Variants in FANCA observed in about 807,000 individuals in gnomAD.
FANCA encodes Fanconi anemia group A protein.
FANCA carries 236 observed loss-of-function variants against 194.3 expected under a neutral mutation model. That is an observed-to-expected ratio of 1.21 (90% CI 1.09 to 1.35). The LOEUF (loss-of-function observed/expected upper bound fraction) is 1.35. Ranked by LOEUF, FANCA falls within the 40% of genes most tolerant of loss-of-function variation. The probability of loss-of-function intolerance (pLI) is 0.00; values close to 1 mark genes in which losing one functional copy is unlikely to be tolerated. For missense variants in FANCA, 2,628 were observed against 1,813.9 expected (o/e 1.45, Z -8.15); for synonymous variants, 1,014 against 715.8 (o/e 1.42, Z -6.65).
At position 89,792,607 on chromosome 16, in the gene FANCA, GT is replaced by G. The variant is rs35617323; in HGVS notation, c.1007-61del. The stretch of plus-strand genomic sequence containing the variant: ...AGAGATCAAAAAGTTGTGGGTTTTT[GT>G]TAAGGACCAGCCCCACAGGGTCGGT... On this transcript the variant is annotated intron_variant, in intron 11 of 42. Transcript: ENST00000389301. 0.45 allele frequency: 696,236 copies of G among 1,536,078 alleles called. 167,586 individuals are homozygous for G. The highest frequency in any genetic ancestry group is 0.98 in the East Asian group (42,658 of 43,538).
chr16:89,803,199 C>G, intron 8 of FANCA, 60 bp downstream of exon 8: 1 of 1,491,004 alleles, frequency 6.7e-7, no homozygotes, highest in Non-Finnish European at 9.4e-7. Context: ...AAATACATTT[C>G]AACACTTGGA....
At chr16:89,753,880 C>A (rs74710027) in intron 30 of FANCA, among the ~76,000 whole-genome samples, 1 of 152,126 alleles carries the variant, frequency 6.6e-6, no homozygotes, top group African/African-American at 2.4e-5. Context: ...TGTGGCGAAA[C>A]CCTATCTCTA....
intron 2 of FANCA, 125 bp from the exon 3 acceptor site, chr16:89,814,738 C>T (rs988480911): frequency 3.4e-5 from 24 of 698,000 alleles, no homozygotes; most frequent in East Asian, 1.4e-4. Context: ...GTCAAGAGTT[C>T]GAGACCAGCC....
At chr16:89,800,330 T>C (rs554602338) in intron 8 of FANCA, among the ~76,000 whole-genome samples, 31 of 152,218 alleles carry the variant, frequency 2.0e-4, no homozygotes, top group Non-Finnish European at 4.3e-4. Flanking sequence ...TCACATCTCC[T>C]GGGCTTAAAG....
chr16:89,763,950 A>T (rs756960401), intron 28 of FANCA, among the ~76,000 whole-genome samples: 4 of 150,946 alleles, frequency 2.6e-5, no homozygotes, highest in Non-Finnish European at 5.9e-5. Flanking sequence ...AACAACAACA[A>T]AAAACAAGTT....
In FANCA at chr16:89,767,163, A is replaced by G; in HGVS notation, c.2579T>C (p.Leu860Ser). Reference sequence around the variant, plus strand: ...TACCTTTTTAATAAGGCCTGGAGATAAGCAGCTGCACAAAGTATCTCGTGA... The same window carrying G: ...TACCTTTTTAATAAGGCCTGGAGATGAGCAGCTGCACAAAGTATCTCGTGA... ...SQSRDTLCSC[L>S]SPGLIKKFQF... is the part of the protein sequence containing the mutation. The change falls in exon 27 of 43, where the codon TTA becomes TCA. Residue 860 changes from leucine to serine, a missense_variant. Transcript: ENST00000389301. 1 of 1,612,934 alleles carries G rather than the reference A, an allele frequency of 6.2e-7. No homozygotes were observed. The highest frequency in any genetic ancestry group is 1.1e-5 in the South Asian group (1 of 91,056).
intron 26 of FANCA, among the ~76,000 whole-genome samples, chr16:89,768,361 C>G (rs776670497): frequency 6.6e-6 from 1 of 152,226 alleles, no homozygotes; most frequent in African/African-American, 2.4e-5. Flanking sequence ...AGTTCTAATA[C>G]TTCTGTTTTA....
At chr16:89,776,159 C>CTTTTTT (rs3069458) in intron 20 of FANCA, among the ~76,000 whole-genome samples, 6 of 93,310 alleles carry the variant, frequency 6.4e-5, no homozygotes, top group South Asian at 4.0e-4. Flanking sequence ...CTTTGTTTTT[C>CTTTTTT]TTTTTTTTTT....
At chr16:89,751,308 T>TG (rs751813713) in intron 31 of FANCA, among the ~76,000 whole-genome samples, 8 of 152,052 alleles carry the variant, frequency 5.3e-5, no homozygotes, top group Non-Finnish European at 1.0e-4. Flanking sequence ...GAGACAAGCC[T>TG]GGGCAACATG....
intron 30 of FANCA, among the ~76,000 whole-genome samples, chr16:89,755,914 C>T (rs574418112): frequency 1.3e-5 from 2 of 151,822 alleles, no homozygotes; most frequent in African/African-American, 4.8e-5. Flanking sequence ...CACGGCACGG[C>T]CCACCGCGCA....
At chr16:89,814,983 C>G (rs888416782) in intron 2 of FANCA, among the ~76,000 whole-genome samples, 1 of 152,108 alleles carries the variant, frequency 6.6e-6, no homozygotes, top group Non-Finnish European at 1.5e-5. Flanking sequence ...AAAAAAAATT[C>G]AAGATCTGTG....
chr16:89,745,880 G>A (rs1399619022), intron 35 of FANCA, among the ~76,000 whole-genome samples: 4 of 152,248 alleles, frequency 2.6e-5, no homozygotes, highest in Admixed American at 6.5e-5. Flanking sequence ...GAGAGGTGGC[G>A]TTCTAAACAC....
intron 24 of FANCA, 99 bp from the exon 25 acceptor site, chr16:89,770,358 C>G: frequency 8.3e-7 from 1 of 1,200,016 alleles, no homozygotes; most frequent in African/African-American, 1.5e-5. Flanking sequence ...AAGAGCCAAG[C>G]TGTTCCCCAA....
At chr16:89,799,293 C>T (rs2040358897) in intron 9 of FANCA, 61 bp from the exon 10 acceptor site, 1 of 1,600,190 alleles carries the variant, frequency 6.2e-7, no homozygotes, top group Non-Finnish European at 8.5e-7. Flanking sequence ...CCACCAGAAA[C>T]AATCCCCAGG....
At chr16:89,813,232 T>A (rs1431509268) in intron 3 of FANCA, among the ~76,000 whole-genome samples, 2 of 151,658 alleles carry the variant, frequency 1.3e-5, no homozygotes, top group African/African-American at 2.4e-5. Context: ...CTGGGCAATA[T>A]GGCAAAACCC....
At chr16:89,791,023 GTTTTTTTTTT>G (rs11355118) in intron 14 of FANCA, 3 of 94,828 alleles carry the variant, frequency 3.2e-5, no homozygotes, top group Non-Finnish European at 5.6e-5. Flanking sequence ...GTGTGTGTGT[GTTTTTTTTTT>G]TTTTTTTTTT....
At chr16:89,761,672 T>A (rs930484492) in intron 29 of FANCA, among the ~76,000 whole-genome samples, 1 of 152,156 alleles carries the variant, frequency 6.6e-6, no homozygotes, top group Non-Finnish European at 1.5e-5. Flanking sequence ...TTGCACAGGC[T>A]AAAGTGCAGT....
intron 11 of FANCA, chr16:89,792,826 A>T (rs17226145): frequency 1.1e-4 from 43 of 396,580 alleles, no homozygotes; most frequent in African/African-American, 7.7e-4. Flanking sequence ...AGTGTGAGTC[A>T]TCTCCAATGA....
rs2039156787 is a variant in FANCA, at chr16:89,767,143, T to G, written c.2599A>C (p.Lys867Gln). The change falls in exon 27 of 43, where the codon AAG becomes CAG. Residue 867 changes from lysine to glutamine, a missense_variant and splice_region_variant. By Grantham distance (53) the Lys-to-Gln change is moderately conservative (BLOSUM62 1). Coordinates refer to ENST00000389301, the MANE Select transcript of FANCA (RefSeq NM_000135.4). ...CSCLSPGLIKKFQFLMFRLFS... is the reference protein window; with the variant it reads ...CSCLSPGLIKQFQFLMFRLFS... ...AAATAGGAAAAGAGTGAACCTACCT[T>G]TTTAATAAGGCCTGGAGATAAGCAG... The G allele has an allele frequency of 6.2e-7, 1 of 1,609,278 alleles. No individual in the cohort carries two copies.
Sources: gnomAD v4.1 joint callset for allele counts (sites outside exome capture counted in the v4.1 genomes callset) on GRCh38, gnomAD v4.1.1 for gene constraint, MANE v1.5 for transcripts, NCBI Gene and HGNC (gene_info 2026-07-23, HGNC 2026-07-21) for gene names.